The following GATAD2A variants were observed in gnomAD, a reference collection of about 807,000 sequenced individuals.
GATAD2A encodes transcriptional repressor p66-alpha.
Under a neutral mutation model 68.5 loss-of-function variants are expected in GATAD2A, and 12 were observed. That is an observed-to-expected ratio of 0.18 (90% CI 0.11 to 0.28). The LOEUF (loss-of-function observed/expected upper bound fraction) is 0.28, where lower values mean the gene tolerates loss of function less well. Among genes scored for constraint, GATAD2A ranks in the 10% least tolerant of loss-of-function variants. The pLI is 1.00. For synonymous variants in GATAD2A, 410 were observed against 375.3 expected, an observed-to-expected ratio of 1.09 and a Z score of -1.07; for missense variants, 755 against 868.5, an observed-to-expected ratio of 0.87 and a Z score of 1.64.
intron 1 of GATAD2A, among the ~76,000 whole-genome samples, chr19:19,460,124 A>G (rs890020972): frequency 3.3e-5 from 5 of 152,154 alleles, no homozygotes; most frequent in African/African-American, 1.2e-4. Context: ...CCCCCTCAAC[A>G]GGTCCTTCTG....
At chr19:19,417,840 AG>A (rs1159979378) in intron 1 of GATAD2A, among the ~76,000 whole-genome samples, 1 of 152,198 alleles carries the variant, frequency 6.6e-6, no homozygotes, top group East Asian at 1.9e-4. Flanking sequence ...CTGGATACCA[AG>A]GGCTGAGGAC....
At chr19:19,448,730 T>C (rs994626349) in intron 1 of GATAD2A, among the ~76,000 whole-genome samples, 1 of 152,050 alleles carries the variant, frequency 6.6e-6, no homozygotes, top group South Asian at 2.1e-4. Context: ...TCTCAAATGA[T>C]CCGCCCGCCT....
At chr19:19,475,151 C>T (rs1250163669) in intron 2 of GATAD2A, among the ~76,000 whole-genome samples, 3 of 152,262 alleles carry the variant, frequency 2.0e-5, no homozygotes, top group African/African-American at 7.2e-5. Flanking sequence ...CTCCCCGCAG[C>T]TGCTCCCGGC....
At chr19:19,447,081 T>C (rs767050281) in intron 1 of GATAD2A, among the ~76,000 whole-genome samples, 3 of 152,178 alleles carry the variant, frequency 2.0e-5, no homozygotes, top group Non-Finnish European at 2.9e-5. Flanking sequence ...TCCCTTGATA[T>C]CCTGGGGGTG....
At chr19:19,488,175 A>G (rs1313842646) in intron 2 of GATAD2A, among the ~76,000 whole-genome samples, 1 of 152,320 alleles carries the variant, frequency 6.6e-6, no homozygotes, top group African/African-American at 2.4e-5. Context: ...CCCTGCTGCT[A>G]TGGCGGTGAC....
At chr19:19,389,554 T>C (rs1325346294) in intron 1 of GATAD2A, among the ~76,000 whole-genome samples, 1 of 152,200 alleles carries the variant, frequency 6.6e-6, no homozygotes, top group Non-Finnish European at 1.5e-5. Flanking sequence ...GGAGAAGTGC[T>C]TGGAGACTTT....
chr19:19,397,525 T>C (rs866695716), intron 1 of GATAD2A, among the ~76,000 whole-genome samples: 1 of 152,152 alleles, frequency 6.6e-6, no homozygotes. Context: ...GTACCGGGCC[T>C]TAAATTGAGC....
At chr19:19,411,298 T>A (rs1482608441) in intron 1 of GATAD2A, among the ~76,000 whole-genome samples, 2 of 152,224 alleles carry the variant, frequency 1.3e-5, no homozygotes, top group Non-Finnish European at 2.9e-5. Flanking sequence ...CGATACTGAA[T>A]GCCTGGGTTG....
At chr19:19,427,146 AGAGT>A (rs1568274865) in intron 1 of GATAD2A, among the ~76,000 whole-genome samples, 1 of 151,942 alleles carries the variant, frequency 6.6e-6, no homozygotes, top group Admixed American at 6.6e-5. Context: ...CAGAGAGATG[AGAGT>A]GAGTATTTAA....
chr19:19,471,059 C>G (rs1245122611), intron 2 of GATAD2A, among the ~76,000 whole-genome samples: 1 of 152,054 alleles, frequency 6.6e-6, no homozygotes, highest in African/African-American at 2.4e-5. Context: ...AGTTTGAGAC[C>G]AGCCTGGCCA....
chr19:19,494,620 C>T (rs1310615760), intron 5 of GATAD2A, among the ~76,000 whole-genome samples: 1 of 152,258 alleles, frequency 6.6e-6, no homozygotes, highest in Non-Finnish European at 1.5e-5. Flanking sequence ...GAAATCATGG[C>T]CAACACTGGA....
intron 7 of GATAD2A, 82 bp from the exon 8 acceptor site, chr19:19,498,361 G>A: frequency 7.5e-7 from 1 of 1,334,774 alleles, no homozygotes; most frequent in Non-Finnish European, 1.0e-6. Context: ...GCAGTTGACA[G>A]GACCTCGGGC....
At chr19:19,422,088 G>T (rs2052491616) in intron 1 of GATAD2A, among the ~76,000 whole-genome samples, 1 of 152,192 alleles carries the variant, frequency 6.6e-6, no homozygotes, top group South Asian at 2.1e-4. Flanking sequence ...CTCCCAAAGT[G>T]CTGGGATTAC....
At chr19:19,494,655 T>TA (rs1473519789) in intron 5 of GATAD2A, among the ~76,000 whole-genome samples, 1 of 152,210 alleles carries the variant, frequency 6.6e-6, no homozygotes, top group Non-Finnish European at 1.5e-5. Flanking sequence ...TGAGCGCCCC[T>TA]AGCAAGCCTG....
At chr19:19,410,907 A>G (rs1166274309) in intron 1 of GATAD2A, among the ~76,000 whole-genome samples, 8 of 152,228 alleles carry the variant, frequency 5.3e-5, no homozygotes. Context: ...TGGGAGTGAG[A>G]TAACAAGTGC....
chr19:19,479,189 T>G (rs927322030), intron 2 of GATAD2A, among the ~76,000 whole-genome samples: 1 of 152,216 alleles, frequency 6.6e-6, no homozygotes, highest in Non-Finnish European at 1.5e-5. Context: ...ATTGAGCTTT[T>G]TGTACATGGG....
At chr19:19,456,895 C>T (rs1298752409) in intron 1 of GATAD2A, among the ~76,000 whole-genome samples, 2 of 152,104 alleles carry the variant, frequency 1.3e-5, no homozygotes, top group Non-Finnish European at 2.9e-5. Flanking sequence ...TGCAAAAAGG[C>T]GGCTGATGAG....
chr19:19,504,629 GTTTTTTTTTCCTTTTTTTT>G (rs1348864535), intron 11 of GATAD2A, among the ~76,000 whole-genome samples: 1 of 144,018 alleles, frequency 6.9e-6, no homozygotes, highest in African/African-American at 2.6e-5. Context: ...GTAGGAGATA[GTTTTTTTTTCCTTTTTTTT>G]TTTTTTTTTC....
chr19:19,407,314 A>G (rs1023703589), intron 1 of GATAD2A, among the ~76,000 whole-genome samples: 2 of 152,262 alleles, frequency 1.3e-5, no homozygotes, highest in African/African-American at 4.8e-5. Context: ...AGACCTGACC[A>G]CAAGCTGTGG....
Sources: gnomAD v4.1 joint callset for allele counts (sites outside exome capture counted in the v4.1 genomes callset) on GRCh38, gnomAD v4.1.1 for gene constraint, MANE v1.5 for transcripts, NCBI Gene and HGNC (gene_info 2026-07-23, HGNC 2026-07-21) for gene names.